The following AGBL4 variants were observed in gnomAD, a reference collection of about 807,000 sequenced individuals.
The protein encoded by AGBL4 is AGBL carboxypeptidase 4.
A neutral mutation model predicts 66.4 loss-of-function variants in AGBL4; 58 were observed. The ratio of observed to expected loss-of-function variants is 0.87; its 90% CI spans 0.71 to 1.09. The LOEUF is 1.09. Among genes scored for constraint, AGBL4 ranks in the 50% least tolerant of loss-of-function variants. The probability of loss-of-function intolerance (pLI) is 0.00; values close to 1 mark genes in which losing one functional copy is unlikely to be tolerated. For synonymous variants in AGBL4, 234 were observed against 222.9 expected (o/e 1.05, Z -0.44); for missense variants, 579 against 631.0 (o/e 0.92, Z 0.88).
intron 1 of AGBL4, among the ~76,000 whole-genome samples, chr1:49,964,322 A>G (rs915895977): frequency 1.3e-5 from 2 of 152,176 alleles, no homozygotes; most frequent in African/African-American, 4.8e-5. Context: ...GGCTTCAGAT[A>G]CTCATCTATA....
At chr1:49,721,673 G>T (rs1371042755) in intron 2 of AGBL4, among the ~76,000 whole-genome samples, 2 of 152,054 alleles carry the variant, frequency 1.3e-5, no homozygotes, top group Non-Finnish European at 2.9e-5. Context: ...TGAAATAGGA[G>T]CCAGTAATAA....
At chr1:48,638,788 C>T (rs1557845550) in intron 8 of AGBL4, among the ~76,000 whole-genome samples, 1 of 152,236 alleles carries the variant, frequency 6.6e-6, no homozygotes, top group Non-Finnish European at 1.5e-5. Flanking sequence ...GAGCCTGGAT[C>T]ATGGCAGACA....
intron 3 of AGBL4, among the ~76,000 whole-genome samples, chr1:49,478,304 C>G (rs1646885345): frequency 6.6e-6 from 1 of 151,296 alleles, no homozygotes; most frequent in Non-Finnish European, 1.5e-5. Flanking sequence ...AAAAAAAGGA[C>G]TCTAAGAGGA....
At chr1:49,298,776 AT>A (rs886600369) in intron 3 of AGBL4, among the ~76,000 whole-genome samples, 2 of 152,252 alleles carry the variant, frequency 1.3e-5, no homozygotes, top group African/African-American at 4.8e-5. Flanking sequence ...TTTTATCTCC[AT>A]GAAGACTGGG....
chr1:48,896,603 A>C (rs1297465508), intron 5 of AGBL4, among the ~76,000 whole-genome samples: 1 of 152,228 alleles, frequency 6.6e-6, no homozygotes, highest in Non-Finnish European at 1.5e-5. Context: ...CACAGCCAGA[A>C]CTCAGACCTG....
At position 48,962,568 on chromosome 1, in the gene AGBL4, G is replaced by C. The variant is rs1658089129; in HGVS notation, c.594+83016C>G. 5.9e-5 allele frequency among the ~76,000 whole-genome samples: 9 copies of C among 152,082 alleles called. 1 individual carries two copies. In the South Asian group the frequency reaches 1.9e-3, roughly 32 times the overall value. Reference sequence around the variant, plus strand: ...GCATTGTTCTTGTAGGTCTCAGGTAGCACACAGTTCTTTGGGACCTGGGGT... The same window carrying C: ...GCATTGTTCTTGTAGGTCTCAGGTACCACACAGTTCTTTGGGACCTGGGGT... On this transcript the variant is annotated intron_variant, in intron 5 of 13. Coordinates refer to ENST00000371839, the MANE Select transcript of AGBL4 (RefSeq NM_032785.4).
At chr1:48,601,518 A>G (rs1645072964) in intron 9 of AGBL4, among the ~76,000 whole-genome samples, 1 of 152,216 alleles carries the variant, frequency 6.6e-6, no homozygotes, top group African/African-American at 2.4e-5. Flanking sequence ...TGCGAGTACT[A>G]TGGTAGCATA....
chr1:49,515,816 C>T (rs1649753666), intron 3 of AGBL4, among the ~76,000 whole-genome samples: 1 of 145,998 alleles, frequency 6.8e-6, no homozygotes, highest in South Asian at 2.1e-4. Flanking sequence ...CATATTCTCA[C>T]TCATAGGTGG....
At chr1:49,063,722 G>A (rs1214122560) in intron 4 of AGBL4, among the ~76,000 whole-genome samples, 1 of 152,210 alleles carries the variant, frequency 6.6e-6, no homozygotes, top group Admixed American at 6.5e-5. Flanking sequence ...TTGTTACACA[G>A]GGTTGTGAAG....
chr1:48,759,514 C>T lies in AGBL4; in HGVS notation c.635-96273G>A, dbSNP rs1322742246. 7 of 857,616 alleles carry T rather than the reference C, an allele frequency of 8.2e-6. No individual in the cohort carries two copies. In the Admixed American group the frequency reaches 1.3e-4, roughly 16 times the overall value. The allele number at this position is 857,616 out of a possible 1,614,324, so 53.1% of individuals were successfully genotyped here. A position where few individuals can be genotyped will look rare whatever the true frequency, so the allele number is the denominator to read the frequency against. ...GGAAGGGGCTTGCCCAAAGTCATAA[C>T]CAGGACACTGGTTTCCCAGGCCTGC... On this transcript the variant is annotated intron_variant, in intron 6 of 13. Transcript: ENST00000371839.
rs181079681 is a variant in AGBL4, at chr1:49,443,916, C to T, written c.283-198052G>A. On this transcript the variant is annotated intron_variant, in intron 3 of 13. Transcript: ENST00000371839. Reference sequence around the variant, plus strand: ...AGGCACTTAATTACTATAAACTTCACTCTTAGCACTGCTCTTGCTCTATTC... The same window carrying T: ...AGGCACTTAATTACTATAAACTTCATTCTTAGCACTGCTCTTGCTCTATTC... 7.1e-4 allele frequency among the ~76,000 whole-genome samples: 108 copies of T among 151,908 alleles called. 1 individual carries two copies. The highest frequency in any genetic ancestry group is 7.0e-3 in the Admixed American group (107 of 15,270).
intron 5 of AGBL4, among the ~76,000 whole-genome samples, chr1:48,910,281 A>G (rs547207881): frequency 6.6e-6 from 1 of 152,334 alleles, no homozygotes; most frequent in East Asian, 1.9e-4. Context: ...ATGCGACTGA[A>G]CCATAATTTC....
In AGBL4 at chr1:48,991,660, T is replaced by G. The variant is rs181199575; in HGVS notation, c.594+53924A>C. Among the ~76,000 whole-genome samples the G allele has an allele frequency of 4.6e-4, 70 of 152,214 alleles. 1 individual carries two copies. In the South Asian group the frequency reaches 9.5e-3, roughly 21 times the overall value. Reference sequence around the variant, plus strand: ...CCCTAGTCTTGTAGGTGTGCTATATTATTTTTTATTCTTTTTCTCTCTTTT... The same window carrying G: ...CCCTAGTCTTGTAGGTGTGCTATATGATTTTTTATTCTTTTTCTCTCTTTT... On this transcript the variant is annotated intron_variant, in intron 5 of 13. Transcript: ENST00000371839.
chr1:48,896,173 TC>T (rs1297210414), intron 5 of AGBL4, among the ~76,000 whole-genome samples: 1 of 152,134 alleles, frequency 6.6e-6, no homozygotes, highest in Non-Finnish European at 1.5e-5. Flanking sequence ...CCCTAGGTAC[TC>T]CCCCTCTAAA....
chr1:49,601,345 T>C (rs1004213823), intron 3 of AGBL4, among the ~76,000 whole-genome samples: 3 of 152,144 alleles, frequency 2.0e-5, no homozygotes. Flanking sequence ...CTTTTTTTTT[T>C]CTAATCTTAT....
chr1:49,502,595 T>A (rs1017366584), intron 3 of AGBL4, among the ~76,000 whole-genome samples: 6 of 152,044 alleles, frequency 3.9e-5, no homozygotes, highest in Non-Finnish European at 7.4e-5. Flanking sequence ...GTTTGGAACT[T>A]CCTAGAGAAT....
intron 3 of AGBL4, among the ~76,000 whole-genome samples, chr1:49,330,995 A>G (rs1255205630): frequency 6.6e-6 from 1 of 152,024 alleles, no homozygotes; most frequent in African/African-American, 2.4e-5. Context: ...CAGCCAAGGG[A>G]AGCAGTGAGT....
intron 6 of AGBL4, among the ~76,000 whole-genome samples, chr1:48,730,772 A>T (rs1044899726): frequency 2.0e-5 from 3 of 152,188 alleles, no homozygotes; most frequent in African/African-American, 7.2e-5. Context: ...ATTATTGCTT[A>T]ATTAACAAGG....
chr1:49,494,631 T>A (rs1647366938), intron 3 of AGBL4, among the ~76,000 whole-genome samples: 1 of 152,114 alleles, frequency 6.6e-6, no homozygotes, highest in South Asian at 2.1e-4. Flanking sequence ...TGCATAGTAT[T>A]CCATGGTGTA....
Sources: allele counts gnomAD v4.1 joint callset (sites outside exome capture counted in the v4.1 genomes callset), GRCh38; gene constraint gnomAD v4.1.1; transcripts MANE v1.5; gene names NCBI Gene and HGNC (gene_info 2026-07-23, HGNC 2026-07-21).